SLC35F1: variants seen among roughly 807,000 people sequenced by gnomAD.
The protein encoded by SLC35F1 is chromosome 6 open reading frame 169.
A neutral mutation model predicts 48.7 loss-of-function variants in SLC35F1; 14 were observed. That is an observed-to-expected ratio of 0.29 (90% CI 0.19 to 0.45). The LOEUF (loss-of-function observed/expected upper bound fraction) is 0.45, where lower values mean the gene tolerates loss of function less well. Among genes scored for constraint, SLC35F1 ranks in the 20% least tolerant of loss-of-function variants. SLC35F1 has a pLI of 1.00. For synonymous variants in SLC35F1, 190 were observed against 202.2 expected (o/e 0.94, Z 0.51); for missense variants, 404 against 500.0 (o/e 0.81, Z 1.83).
intron 1 of SLC35F1, among the ~76,000 whole-genome samples, chr6:118,012,335 A>G (rs1430478210): frequency 2.6e-5 from 4 of 151,860 alleles, no homozygotes; most frequent in African/African-American, 7.2e-5. Context: ...GGAAAAAAAA[A>G]AAAAAGAAAA....
chr6:118,218,482 G>T (rs1296443213), intron 2 of SLC35F1, among the ~76,000 whole-genome samples: 1 of 152,172 alleles, frequency 6.6e-6, no homozygotes, highest in East Asian at 1.9e-4. Flanking sequence ...AGCAAAGGAA[G>T]TAAAAAGGGC....
intron 1 of SLC35F1, among the ~76,000 whole-genome samples, chr6:118,079,740 C>G (rs1001857309): frequency 3.3e-5 from 5 of 152,140 alleles, no homozygotes; most frequent in African/African-American, 1.2e-4. Flanking sequence ...CCAAGCTGTT[C>G]TGTGGACAAA....
intron 1 of SLC35F1, among the ~76,000 whole-genome samples, chr6:118,095,100 C>G (rs1263009354): frequency 6.6e-6 from 1 of 152,200 alleles, no homozygotes; most frequent in Non-Finnish European, 1.5e-5. Context: ...CCACTGCACT[C>G]TAGCCTGGGC....
intron 1 of SLC35F1, among the ~76,000 whole-genome samples, chr6:118,029,694 T>G (rs6921661): frequency 0.99 from 151,470 of 152,284 alleles, 75,337 homozygotes; most frequent in Middle Eastern, 1. Context: ...CAACTTGTGT[T>G]CTCTGACAGT....
At chr6:118,242,857 C>G (rs1203152248) in intron 3 of SLC35F1, among the ~76,000 whole-genome samples, 1 of 152,216 alleles carries the variant, frequency 6.6e-6, no homozygotes, top group African/African-American at 2.4e-5. Context: ...TTCCCATACA[C>G]TTGCTAACCA....
chr6:117,927,002 C>A (rs950159051), intron 1 of SLC35F1, among the ~76,000 whole-genome samples: 1 of 152,092 alleles, frequency 6.6e-6, no homozygotes, highest in African/African-American at 2.4e-5. Flanking sequence ...GAGTTTGATG[C>A]TGGTCAATGT....
chr6:118,246,961 T>C (rs1041102409), intron 3 of SLC35F1, among the ~76,000 whole-genome samples: 16 of 152,206 alleles, frequency 1.1e-4, no homozygotes, highest in African/African-American at 3.9e-4. Flanking sequence ...ATCCATATGA[T>C]AGTCAGATGG....
chr6:117,946,744 A>C (rs1776299733), intron 1 of SLC35F1, among the ~76,000 whole-genome samples: 1 of 152,200 alleles, frequency 6.6e-6, no homozygotes, highest in South Asian at 2.1e-4. Flanking sequence ...CTTTTTGCAC[A>C]CTAAGATTAT....
At chr6:118,156,233 A>C (rs1035370966) in intron 2 of SLC35F1, among the ~76,000 whole-genome samples, 43 of 145,620 alleles carry the variant, frequency 3.0e-4, no homozygotes, top group Non-Finnish European at 5.2e-4. Context: ...TCTAAGTGTC[A>C]AAAAAAAAAA....
chr6:117,979,795 T>C (rs1051290445), intron 1 of SLC35F1, among the ~76,000 whole-genome samples: 4 of 152,202 alleles, frequency 2.6e-5, no homozygotes, highest in African/African-American at 9.7e-5. Flanking sequence ...ATCAATGTCA[T>C]TGTTCCTTAA....
chr6:118,024,691 T>C (rs1777440445), intron 1 of SLC35F1, among the ~76,000 whole-genome samples: 1 of 152,142 alleles, frequency 6.6e-6, no homozygotes, highest in South Asian at 2.1e-4. Context: ...ATAAAGGAAA[T>C]CACATGAAAT....
At chr6:118,275,764 CTTTATT>C (rs770909991) in intron 5 of SLC35F1, 149 bp downstream of exon 5, 4 of 579,648 alleles carry the variant, frequency 6.9e-6, no homozygotes, top group Non-Finnish European at 1.1e-5. Context: ...AACTCAATAT[CTTTATT>C]AGTAAATCAC....
intron 6 of SLC35F1, among the ~76,000 whole-genome samples, chr6:118,283,862 T>G (rs1290163734): frequency 3.3e-5 from 5 of 152,156 alleles, no homozygotes; most frequent in Non-Finnish European, 5.9e-5. Flanking sequence ...TTCAAGCTTC[T>G]GATAGAGAAT....
At chr6:118,111,129 G>C (rs1341358803) in intron 1 of SLC35F1, among the ~76,000 whole-genome samples, 1 of 152,086 alleles carries the variant, frequency 6.6e-6, no homozygotes, top group African/African-American at 2.4e-5. Flanking sequence ...ACATGTATGG[G>C]AATACCAGAG....
chr6:118,049,880 A>G (rs1772359607), intron 1 of SLC35F1, among the ~76,000 whole-genome samples: 1 of 152,082 alleles, frequency 6.6e-6, no homozygotes, highest in South Asian at 2.1e-4. Context: ...TACCCAAAGG[A>G]TTATAAATCA....
At chr6:118,298,217 C>T (rs1395905675) in intron 7 of SLC35F1, among the ~76,000 whole-genome samples, 3 of 152,154 alleles carry the variant, frequency 2.0e-5, no homozygotes, top group Non-Finnish European at 2.9e-5. Context: ...TATAGCAATG[C>T]AAATGGACTA....
intron 2 of SLC35F1, among the ~76,000 whole-genome samples, chr6:118,187,871 CAG>C (rs1268031842): frequency 6.6e-6 from 1 of 152,192 alleles, no homozygotes; most frequent in Admixed American, 6.5e-5. Flanking sequence ...TTGCCAGACA[CAG>C]AGTTGTTTCA....
chr6:117,948,695 A>G (rs557169090), intron 1 of SLC35F1, among the ~76,000 whole-genome samples: 1 of 152,290 alleles, frequency 6.6e-6, no homozygotes, highest in Admixed American at 6.5e-5. Context: ...AAGAGTTCCC[A>G]TTCATGTGTG....
At chr6:118,219,048 A>G (rs1775112223) in intron 2 of SLC35F1, among the ~76,000 whole-genome samples, 1 of 152,222 alleles carries the variant, frequency 6.6e-6, no homozygotes, top group African/African-American at 2.4e-5. Context: ...GTCTATTTCT[A>G]TGAATTTTAA....
Sources: allele counts gnomAD v4.1 joint callset (sites outside exome capture counted in the v4.1 genomes callset), GRCh38; gene constraint gnomAD v4.1.1; transcripts MANE v1.5; gene names NCBI Gene and HGNC (gene_info 2026-07-23, HGNC 2026-07-21).